LIMK2: variants seen among roughly 807,000 people sequenced by gnomAD.
LIMK2 encodes LIM domain kinase 2.
LIMK2 carries 35 observed loss-of-function variants against 75.7 expected under a neutral mutation model. The observed-to-expected ratio is 0.46, with a 90% CI of 0.35 to 0.61. The LOEUF is 0.61. Ranked by LOEUF, LIMK2 falls within the 20% of genes least tolerant of loss-of-function variation. LIMK2 has a pLI of 0.00. For synonymous variants in LIMK2, 301 were observed against 319.2 expected (o/e 0.94, Z 0.61); for missense variants, 623 against 831.0 (o/e 0.75, Z 3.08).
In LIMK2 at chr22:31,236,971, TA is replaced by T. The variant is rs555134112; in HGVS notation, c.116+11153del. ...AATAAAATAAAATAAAATAAAAAAA[TA>T]TGGAGGCCAGCAGGCACGGTGGCTC... is the stretch of plus-strand genomic sequence containing the variant. On this transcript the variant is annotated intron_variant, in intron 2 of 15. Transcript: ENST00000331728. 5.2e-3 allele frequency among the ~76,000 whole-genome samples: 673 copies of T among 129,840 alleles called. 5 individuals are homozygous for T. Among genetic ancestry groups the T allele is most frequent in the African/African-American group, 0.018 (632 of 35,092 alleles). The allele number at this position is 129,840 out of a possible 152,430, so 85.2% of individuals were successfully genotyped here.
intron 1 of LIMK2, among the ~76,000 whole-genome samples, chr22:31,214,989 G>T (rs1290177301): frequency 1.3e-5 from 2 of 152,140 alleles, no homozygotes; most frequent in Non-Finnish European, 2.9e-5. Flanking sequence ...TAGAGACGGG[G>T]TCTTACCATG....
chr22:31,230,176 T>C (rs778290310), intron 2 of LIMK2: 1 of 151,618 alleles, frequency 6.6e-6, no homozygotes, highest in Non-Finnish European at 1.5e-5. Context: ...ACCAGCCCAG[T>C]AGGCCTTTTT....
At position 31,258,443 on chromosome 22, in the gene LIMK2, A is replaced by G. The variant is rs746147026; in HGVS notation, c.252+17A>G. On this transcript the variant is annotated intron_variant, in intron 3 of 15. Transcript: ENST00000331728. ...CCTTTTATGGTGAGTGAATCCCTTC[A>G]TATCTGCCCCTCTTGGTCTTCAGAG... The G allele has an allele frequency of 6.2e-6, 10 of 1,613,722 alleles. No homozygotes were observed. Among genetic ancestry groups the G allele is most frequent in the Non-Finnish European group, 8.5e-6 (10 of 1,179,722 alleles).
intron 15 of LIMK2, chr22:31,275,609 CCCT>C: frequency 3.1e-6 from 1 of 320,194 alleles, no homozygotes; most frequent in Non-Finnish European, 5.8e-6. Flanking sequence ...TTCGATATTC[CCCT>C]GTCCATATCT....
At chr22:31,260,446 G>T (rs2123838101) in intron 5 of LIMK2, among the ~76,000 whole-genome samples, 1 of 152,288 alleles carries the variant, frequency 6.6e-6, no homozygotes, top group South Asian at 2.1e-4. Flanking sequence ...CATGCCCAGG[G>T]CTTGGAAGAG....
intron 2 of LIMK2, among the ~76,000 whole-genome samples, chr22:31,243,594 A>G (rs1234497589): frequency 1.3e-5 from 2 of 152,150 alleles, no homozygotes; most frequent in Non-Finnish European, 2.9e-5. Flanking sequence ...GGTTCTAAGG[A>G]GTCAGTTTGT....
intron 11 of LIMK2, 66 bp downstream of exon 11, chr22:31,268,266 C>T (rs1255335786): frequency 6.7e-6 from 9 of 1,342,280 alleles, no homozygotes; most frequent in Non-Finnish European, 9.7e-6. Flanking sequence ...TTGTGGGCTT[C>T]ACTGGAAGGT....
At chr22:31,257,945 C>T (rs1469598337) in intron 2 of LIMK2, among the ~76,000 whole-genome samples, 1 of 152,180 alleles carries the variant, frequency 6.6e-6, no homozygotes, top group Non-Finnish European at 1.5e-5. Flanking sequence ...TTTATATATA[C>T]ACCCTGTCCC....
intron 2 of LIMK2, among the ~76,000 whole-genome samples, chr22:31,244,542 C>T (rs887529812): frequency 2.0e-5 from 3 of 152,134 alleles, no homozygotes; most frequent in Non-Finnish European, 2.9e-5. Flanking sequence ...TGTGTCCCCT[C>T]GGCTAGGATC....
chr22:31,250,268 T>A (rs916016758), intron 2 of LIMK2, among the ~76,000 whole-genome samples: 2 of 152,182 alleles, frequency 1.3e-5, no homozygotes, highest in Admixed American at 1.3e-4. Flanking sequence ...TAATTTCTCT[T>A]AATCCTGGGA....
rs983457079 is a variant in LIMK2 at position 31,212,340 on chromosome 22, G to A, written c.-69G>A. ...GCGGCGGCGGCAGGAGCTGAGGGGAGTTGTAGGGAACTGAGGGGAGCTGCT... is the reference window on the plus strand; with the variant it reads ...GCGGCGGCGGCAGGAGCTGAGGGGAATTGTAGGGAACTGAGGGGAGCTGCT... On this transcript the variant is annotated 5_prime_UTR_variant, in exon 1 of 16. Transcript: ENST00000331728. 1.6e-5 allele frequency: 21 copies of A among 1,312,974 alleles called. No homozygotes were observed. In the Admixed American group the frequency reaches 5.7e-4, roughly 35 times the overall value. The allele number at this position is 1,312,974 out of a possible 1,614,324, so 81.3% of individuals were successfully genotyped here.
intron 2 of LIMK2, among the ~76,000 whole-genome samples, chr22:31,228,779 A>G: frequency 6.6e-6 from 1 of 152,014 alleles, no homozygotes; most frequent in African/African-American, 2.4e-5. Flanking sequence ...CACCTCTACA[A>G]AAAATACAAA....
rs1454786752 is a variant in LIMK2, at chr22:31,225,835, C to G, written c.116+16C>G. The G allele has an allele frequency of 6.3e-7, 1 of 1,583,256 alleles. No homozygotes were observed. On this transcript the variant is annotated intron_variant, in intron 2 of 15. Coordinates refer to ENST00000331728, the MANE Select transcript of LIMK2 (RefSeq NM_005569.4). ...CTTGCTTCCGGTAGGTGGGCCTATC[C>G]TCCCATCTTTACCAGTGTACTATGG...
chr22:31,214,869 C>G (rs1026862220), intron 1 of LIMK2, among the ~76,000 whole-genome samples: 1 of 152,168 alleles, frequency 6.6e-6, no homozygotes, highest in Non-Finnish European at 1.5e-5. Flanking sequence ...GATCCAGACT[C>G]ACTGTACCCT....
At chr22:31,266,183 A>G in intron 8 of LIMK2, 51 bp downstream of exon 8, 1 of 1,575,240 alleles carries the variant, frequency 6.3e-7, no homozygotes, top group Non-Finnish European at 8.7e-7. Context: ...TCCCTCTGTC[A>G]CTGTCTTTCG....
intron 2 of LIMK2, among the ~76,000 whole-genome samples, chr22:31,243,303 G>A (rs894549871): frequency 6.6e-6 from 1 of 152,174 alleles, no homozygotes; most frequent in Admixed American, 6.5e-5. Flanking sequence ...CACGAAAGAT[G>A]GTTAGTAGAT....
chr22:31,233,753 C>T (rs961379381), intron 2 of LIMK2, among the ~76,000 whole-genome samples: 3 of 152,210 alleles, frequency 2.0e-5, no homozygotes, highest in Non-Finnish European at 2.9e-5. Context: ...CATTGAGAGG[C>T]ACCACCATCC....
At chr22:31,222,815 A>C (rs983831136) in intron 1 of LIMK2, 5 of 152,128 alleles carry the variant, frequency 3.3e-5, no homozygotes, top group African/African-American at 4.8e-5. Context: ...TCTGTGTCTC[A>C]GTCCAATTTT....
Position 31,276,934 on chromosome 22 carries a change from A to G in LIMK2, c.1773-1363A>G, listed in dbSNP as rs753584343. 2.5e-6 allele frequency: 4 copies of G among 1,613,616 alleles called. No individual in the cohort carries two copies. Among genetic ancestry groups the G allele is most frequent in the Admixed American group, 1.7e-5 (1 of 60,002 alleles). ...AGAGGAGTGGATCCTGGAGCAGCTC[A>G]CGCGCCTCTACGACTGCCAGGAAGA... On this transcript the variant is annotated intron_variant, in intron 15 of 15. Coordinates refer to ENST00000331728, the MANE Select transcript of LIMK2 (RefSeq NM_005569.4).
Sources: allele counts gnomAD v4.1 joint callset (sites outside exome capture counted in the v4.1 genomes callset), GRCh38; gene constraint gnomAD v4.1.1; transcripts MANE v1.5; gene names NCBI Gene and HGNC (gene_info 2026-07-23, HGNC 2026-07-21).